Variants in TRPM3 observed in about 807,000 individuals in gnomAD.
TRPM3 encodes long transient receptor potential channel 3.
In TRPM3, 77 loss-of-function variants were observed where a neutral mutation model predicts 181.2. The ratio of observed to expected loss-of-function variants is 0.42; its 90% CI spans 0.35 to 0.51. The LOEUF (loss-of-function observed/expected upper bound fraction) is 0.51. Ranked by LOEUF, TRPM3 falls within the 20% of genes least tolerant of loss-of-function variation. The pLI is 0.01. For synonymous variants in TRPM3, 745 were observed against 796.4 expected (o/e 0.94, Z 1.09); for missense variants, 1,759 against 2,196.7 (o/e 0.80, Z 3.98).
intron 1 of TRPM3, among the ~76,000 whole-genome samples, chr9:71,345,611 G>A (rs562643565): frequency 6.6e-6 from 1 of 151,938 alleles, no homozygotes; most frequent in East Asian, 1.9e-4. Context: ...CAAGGGGAAG[G>A]AGAGCATTAG....
chr9:70,871,531 T>C (rs998831197), intron 1 of TRPM3, among the ~76,000 whole-genome samples: 3 of 152,036 alleles, frequency 2.0e-5, no homozygotes, highest in South Asian at 2.1e-4. Flanking sequence ...GCCAGAACCC[T>C]GGGCATTTTG....
At chr9:71,242,530 G>A (rs548850929) in intron 1 of TRPM3, among the ~76,000 whole-genome samples, 1 of 152,298 alleles carries the variant, frequency 6.6e-6, no homozygotes, top group African/African-American at 2.4e-5. Flanking sequence ...GGATTCTATA[G>A]TATTCAATTA....
At chr9:70,956,647 G>C (rs947690988) in intron 1 of TRPM3, among the ~76,000 whole-genome samples, 28 of 152,126 alleles carry the variant, frequency 1.8e-4, no homozygotes, top group African/African-American at 6.0e-4. Flanking sequence ...ATTCTGGGAG[G>C]CCAGGGTGGG....
At chr9:70,557,382 T>G (rs1436319089) in intron 22 of TRPM3, among the ~76,000 whole-genome samples, 9 of 152,352 alleles carry the variant, frequency 5.9e-5, no homozygotes, top group South Asian at 2.1e-4. Context: ...AGAAATAGCC[T>G]TCATTTGGTA....
chr9:70,628,656 T>C (rs2133342211), intron 12 of TRPM3, among the ~76,000 whole-genome samples: 1 of 151,984 alleles, frequency 6.6e-6, no homozygotes, highest in Non-Finnish European at 1.5e-5. Context: ...ACCCCGTCTG[T>C]ACTAAAATAC....
intron 5 of TRPM3, among the ~76,000 whole-genome samples, chr9:70,833,793 T>G (rs183479074): frequency 6.6e-6 from 1 of 152,046 alleles, no homozygotes; most frequent in South Asian, 2.1e-4. Flanking sequence ...TAGAACTGTA[T>G]GTATACAGAG....
chr9:71,338,787 G>C (rs1212396562), intron 1 of TRPM3, among the ~76,000 whole-genome samples: 1 of 152,130 alleles, frequency 6.6e-6, no homozygotes, highest in Non-Finnish European at 1.5e-5. Flanking sequence ...CTCAGTCTTA[G>C]AGTCAGCATC....
chr9:71,136,869 C>T (rs1481717687), intron 1 of TRPM3, among the ~76,000 whole-genome samples: 1 of 152,182 alleles, frequency 6.6e-6, no homozygotes, highest in Non-Finnish European at 1.5e-5. Context: ...TAGTTTTGTA[C>T]AGCAAAAGAA....
chr9:70,602,699 C>A (rs192254115), intron 20 of TRPM3, among the ~76,000 whole-genome samples: 1 of 152,128 alleles, frequency 6.6e-6, no homozygotes, highest in Non-Finnish European at 1.5e-5. Context: ...CTGATGGGCC[C>A]CTGAGGTTAG....
At chr9:70,842,168 C>T (rs985131081) in intron 5 of TRPM3, among the ~76,000 whole-genome samples, 3 of 151,952 alleles carry the variant, frequency 2.0e-5, no homozygotes, top group Non-Finnish European at 4.4e-5. Context: ...AAAGTGTCTG[C>T]CACTCAAATG....
chr9:70,620,382 A>G lies in TRPM3; in HGVS notation c.1840-17T>C, dbSNP rs1454208509. The G allele has an allele frequency of 1.9e-6, 3 of 1,593,548 alleles. No homozygotes were observed. On this transcript the variant is annotated splice_polypyrimidine_tract_variant and intron_variant, in intron 15 of 25. Transcript: ENST00000677713. ...AATATCATCCTGTAATTACAGGGAA[A>G]CCACACAGACTGAGTTAGAAATGAA...
intron 1 of TRPM3, among the ~76,000 whole-genome samples, chr9:70,864,873 T>C (rs2095613070): frequency 6.6e-6 from 1 of 151,954 alleles, no homozygotes; most frequent in Middle Eastern, 3.2e-3. Flanking sequence ...AGAAAACAAG[T>C]ATTCAGTAGT....
At chr9:71,218,111 G>A (rs982619629) in intron 1 of TRPM3, among the ~76,000 whole-genome samples, 37 of 152,142 alleles carry the variant, frequency 2.4e-4, no homozygotes, top group African/African-American at 8.4e-4. Context: ...GAAAAGGGAC[G>A]TGGTTATTTA....
At chr9:70,805,244 G>A (rs1588601089) in intron 6 of TRPM3, among the ~76,000 whole-genome samples, 2 of 151,108 alleles carry the variant, frequency 1.3e-5, no homozygotes, top group East Asian at 1.9e-4. Flanking sequence ...TGGTGGTGGG[G>A]GGAGACAGAG....
At chr9:70,851,882 C>T (rs371691658) in intron 3 of TRPM3, among the ~76,000 whole-genome samples, 2 of 151,936 alleles carry the variant, frequency 1.3e-5, no homozygotes, top group African/African-American at 4.8e-5. Flanking sequence ...CTTTGGGAGG[C>T]CAAGGCAGGT....
At chr9:71,340,818 T>C (rs1230532427) in intron 1 of TRPM3, among the ~76,000 whole-genome samples, 1 of 151,972 alleles carries the variant, frequency 6.6e-6, no homozygotes, top group Non-Finnish European at 1.5e-5. Context: ...CATTTTCCAG[T>C]AAAAGAAACC....
chr9:71,192,742 A>G (rs189685488), intron 1 of TRPM3, among the ~76,000 whole-genome samples: 34 of 151,934 alleles, frequency 2.2e-4, no homozygotes, highest in African/African-American at 8.2e-4. Flanking sequence ...TTTGCTATGC[A>G]TAAACTTTTT....
chr9:70,971,115 T>C (rs2097240015), intron 1 of TRPM3, among the ~76,000 whole-genome samples: 1 of 152,190 alleles, frequency 6.6e-6, no homozygotes, highest in Admixed American at 6.6e-5. Context: ...ATGTTACATC[T>C]GTTGTATCAC....
intron 1 of TRPM3, among the ~76,000 whole-genome samples, chr9:71,422,478 C>T (rs536096359): frequency 1.3e-5 from 2 of 152,142 alleles, no homozygotes; most frequent in Admixed American, 6.6e-5. Context: ...AAGAGTGATG[C>T]CCCCTTGACC....
Sources: gnomAD v4.1 joint callset for allele counts (sites outside exome capture counted in the v4.1 genomes callset) on GRCh38, gnomAD v4.1.1 for gene constraint, MANE v1.5 for transcripts, NCBI Gene and HGNC (gene_info 2026-07-23, HGNC 2026-07-21) for gene names.